The following DCLRE1C variants were observed in gnomAD, a reference collection of about 807,000 sequenced individuals.
The protein encoded by DCLRE1C is protein artemis.
A neutral mutation model predicts 61.4 loss-of-function variants in DCLRE1C; 47 were observed. That is an observed-to-expected ratio of 0.77 (90% CI 0.61 to 0.98). DCLRE1C has a LOEUF of 0.98. Among genes scored for constraint, DCLRE1C ranks in the 50% least tolerant of loss-of-function variants. The pLI is 0.00. For missense variants in DCLRE1C, 858 were observed against 816.0 expected (o/e 1.05, Z -0.63); for synonymous variants, 337 against 287.6 (o/e 1.17, Z -1.74).
chr10:14,947,380 G>C (rs2131145854), intron 2 of DCLRE1C: 2 of 152,282 alleles, frequency 1.3e-5, no homozygotes, highest in African/African-American at 4.8e-5. Context: ...ACCTGGGCTG[G>C]GAAACCATTC....
At chr10:14,899,761 T>A, downstream of DCLRE1C, 1 of 1,521,166 alleles carries the variant, frequency 6.6e-7, no homozygotes, top group Non-Finnish European at 8.9e-7. Context: ...AAAGAATAAT[T>A]CCCTTTAAAC....
downstream of DCLRE1C, chr10:14,899,697 T>TA (rs35032339): frequency 2.5e-6 from 4 of 1,612,680 alleles, no homozygotes; most frequent in Non-Finnish European, 3.4e-6. Flanking sequence ...TAAGAAGACA[T>TA]ACGTAAATTT....
rs1220708630 is a variant in DCLRE1C at position 14,928,004 on chromosome 10, T to C, written c.917+12A>G. ...AGTTTCTCTCAGAAGACCTATGATA[T>C]TGCTCTCTTACCTCACAATTACATT... On this transcript the variant is annotated intron_variant, in intron 10 of 13. Transcript: ENST00000378278. 2.5e-6 allele frequency: 4 copies of C among 1,613,578 alleles called. No individual in the cohort carries two copies. The highest frequency in any genetic ancestry group is 3.4e-6 in the Non-Finnish European group (4 of 1,179,746).
chr10:14,920,970 C>T (rs149636504), intron 12 of DCLRE1C, among the ~76,000 whole-genome samples: 1,785 of 139,006 alleles, frequency 0.013, 30 homozygotes, highest in African/African-American at 0.044. Context: ...GTGACAGAGC[C>T]AGACTCTGTC....
chr10:14,925,571 GT>G (rs1184784404), intron 11 of DCLRE1C, among the ~76,000 whole-genome samples: 1 of 152,148 alleles, frequency 6.6e-6, no homozygotes. Context: ...CTTGTTTTAT[GT>G]GTGTTTCTGT....
chr10:14,942,544 G>A (rs143620766), intron 3 of DCLRE1C: 747 of 152,124 alleles, frequency 4.9e-3, no homozygotes, highest in African/African-American at 0.017. Flanking sequence ...ACTCACACAC[G>A]CATGCACATA....
At chr10:14,903,143 G>T (rs1834134368), downstream of DCLRE1C, 1 of 152,192 alleles carries the variant, frequency 6.6e-6, no homozygotes, top group Admixed American at 6.5e-5. Flanking sequence ...ATGAGTGTAT[G>T]TCTGAACCTG....
rs1834307091 is a variant in DCLRE1C, at chr10:14,905,381, A to G, written c.*3027T>C. On this transcript the variant is annotated 3_prime_UTR_variant, in exon 14 of 14. Coordinates refer to ENST00000378278, the MANE Select transcript of DCLRE1C (RefSeq NM_001033855.3). ...AAACATACTATGGTAAGTACTGCCTAGAAATGCAAAGGAATTTTAGAATTC... is the reference window on the plus strand; with the variant it reads ...AAACATACTATGGTAAGTACTGCCTGGAAATGCAAAGGAATTTTAGAATTC... 6.6e-6 allele frequency among the ~76,000 whole-genome samples: 1 copy of G among 152,256 alleles called. No individual in the cohort carries two copies. The highest frequency in any genetic ancestry group is 1.5e-5 in the Non-Finnish European group (1 of 68,044).
chr10:14,920,811 G>A (rs779547376), intron 12 of DCLRE1C, among the ~76,000 whole-genome samples: 22 of 151,920 alleles, frequency 1.4e-4, no homozygotes, highest in East Asian at 3.9e-4. Context: ...GTAAGACCCC[G>A]TCTCTATTAA....
In DCLRE1C at chr10:14,908,425, A is replaced by C. The variant is rs1430568149; in HGVS notation, c.2062T>G (p.Ser688Ala). The C allele has an allele frequency of 1.2e-6, 2 of 1,613,634 alleles. No homozygotes were observed. Residue 688 changes from serine (S) to alanine (A), a missense_variant, in exon 14 of 14, where the codon TCA (serine) becomes GCA (alanine). By Grantham distance (99) the Ser-to-Ala change is moderately conservative (BLOSUM62 1). Coordinates refer to ENST00000378278, the MANE Select transcript of DCLRE1C (RefSeq NM_001033855.3). ...ESIAVKKRKC[S>A]LLDT The stretch of plus-strand genomic sequence containing the variant: ...TTGAATTCTTAGGTATCTAAGAGTG[A>C]GCATTTTCTTTTTTTGACTGCTATA...
chr10:14,930,278 C>CA (rs1838754925), intron 9 of DCLRE1C, among the ~76,000 whole-genome samples: 1 of 85,706 alleles, frequency 1.2e-5, no homozygotes. Flanking sequence ...CACTCAGCAC[C>CA]TTTTTTTTTT....
At chr10:14,936,395 G>T (rs567315884) in intron 5 of DCLRE1C, 143 bp downstream of exon 5, 3 of 484,450 alleles carry the variant, frequency 6.2e-6, no homozygotes, top group South Asian at 2.7e-5. Context: ...CAATCCTCCC[G>T]CGTCAGCCTC....
At chr10:14,936,771 GA>G (rs1272449845) in intron 4 of DCLRE1C, among the ~76,000 whole-genome samples, 178 bp from the exon 5 acceptor site, 2 of 152,018 alleles carry the variant, frequency 1.3e-5, no homozygotes, top group African/African-American at 4.8e-5. Flanking sequence ...TCAACAAACA[GA>G]ATTCCCATGG....
chr10:14,911,260 G>A (rs545407802), intron 13 of DCLRE1C: 1 of 152,326 alleles, frequency 6.6e-6, no homozygotes, highest in Non-Finnish European at 1.5e-5. Context: ...ATGGGCATTT[G>A]TAAAAGAACC....
chr10:14,909,351 G>A, intron 13 of DCLRE1C, 21 bp from the exon 14 acceptor site: 1 of 1,609,686 alleles, frequency 6.2e-7, no homozygotes, highest in Middle Eastern at 1.8e-4. Flanking sequence ...AACAAAACAG[G>A]TTTATAGGAA....
chr10:14,942,773 C>T (rs922157114), intron 3 of DCLRE1C, among the ~76,000 whole-genome samples: 3 of 152,112 alleles, frequency 2.0e-5, no homozygotes, highest in African/African-American at 7.2e-5. Flanking sequence ...CAGGCATGGG[C>T]CTTTTTGTCA....
rs190410641 is a variant in DCLRE1C at position 14,938,568 on chromosome 10, A to C, written c.306+1242T>G. Among the ~76,000 whole-genome samples the C allele has an allele frequency of 4.5e-4, 69 of 152,270 alleles. No homozygotes were observed. The East Asian group carries it at 0.012, about 26-fold the overall frequency. On this transcript the variant is annotated intron_variant, in intron 4 of 13. Transcript: ENST00000378278. ...AAAGCCAATATTAACCAAAATAGGAAAATACCTACCAGCTGTAAAGGTTAA... is the reference window on the plus strand; with the variant it reads ...AAAGCCAATATTAACCAAAATAGGACAATACCTACCAGCTGTAAAGGTTAA...
rs1400882894 is a variant in DCLRE1C at position 14,945,333 on chromosome 10, A to G, written c.162-144T>C. The G allele has an allele frequency of 2.8e-6, 4 of 1,410,152 alleles. No individual in the cohort carries two copies. In the African/African-American group the frequency reaches 4.4e-5, roughly 16 times the overall value. 87.4% of individuals were successfully genotyped at this position (1,410,152 alleles called of 1,614,324 possible). A position where few individuals can be genotyped will look rare whatever the true frequency, so the allele number is the denominator to read the frequency against. ...GTGAAACCCCATCCCTAATAAAAAC[A>G]CAAATACTAGCCTGGCATGGTTATG... On this transcript the variant is annotated intron_variant, in intron 2 of 13. Coordinates refer to ENST00000378278, the MANE Select transcript of DCLRE1C (RefSeq NM_001033855.3).
At chr10:14,912,724 C>T (rs1453131097) in intron 13 of DCLRE1C, among the ~76,000 whole-genome samples, 1 of 152,226 alleles carries the variant, frequency 6.6e-6, no homozygotes, top group Non-Finnish European at 1.5e-5. Flanking sequence ...GAGTCTCGCT[C>T]TGTCGCCCAC....
Sources: gnomAD v4.1 joint callset for allele counts (sites outside exome capture counted in the v4.1 genomes callset) on GRCh38, gnomAD v4.1.1 for gene constraint, MANE v1.5 for transcripts, NCBI Gene and HGNC (gene_info 2026-07-23, HGNC 2026-07-21) for gene names.